Variants in ATP8A2 observed in about 807,000 individuals in gnomAD.
ATP8A2 encodes the protein ATPase phospholipid transporting 8A2, also known as phospholipid-transporting ATPase IB.
A neutral mutation model predicts 165.6 loss-of-function variants in ATP8A2; 100 were observed. The observed-to-expected ratio is 0.60, with a 90% CI of 0.51 to 0.71. The LOEUF is 0.71. Ranked by LOEUF, ATP8A2 falls within the 30% of genes least tolerant of loss-of-function variation. The pLI is 0.00. For synonymous variants in ATP8A2, 543 were observed against 548.8 expected, an observed-to-expected ratio of 0.99 and a Z score of 0.15; for missense variants, 1,227 against 1,479.5, an observed-to-expected ratio of 0.83 and a Z score of 2.80.
chr13:25,971,868 G>A (rs148281849), intron 35 of ATP8A2, among the ~76,000 whole-genome samples: 180 of 152,168 alleles, frequency 1.2e-3, no homozygotes, highest in Middle Eastern at 3.4e-3. Context: ...CATCCTCCCT[G>A]AAACCCACTC....
intron 13 of ATP8A2, among the ~76,000 whole-genome samples, chr13:25,557,555 C>T (rs774806036): frequency 3.9e-4 from 60 of 152,162 alleles, no homozygotes; most frequent in Non-Finnish European, 8.2e-4. Context: ...GTCTTCCAAA[C>T]ATAAATACAG....
intron 33 of ATP8A2, among the ~76,000 whole-genome samples, chr13:25,891,605 C>G (rs969658545): frequency 6.6e-6 from 1 of 152,050 alleles, no homozygotes; most frequent in Non-Finnish European, 1.5e-5. Flanking sequence ...ATTACAGGTG[C>G]GAGCCACTGT....
chr13:25,758,350 G>A (rs1426782367), intron 25 of ATP8A2, among the ~76,000 whole-genome samples: 1 of 152,166 alleles, frequency 6.6e-6, no homozygotes, highest in Non-Finnish European at 1.5e-5. Flanking sequence ...TACCTATTGT[G>A]TATGATGCTA....
intron 1 of ATP8A2, among the ~76,000 whole-genome samples, chr13:25,439,671 G>T (rs896817646): frequency 7.2e-5 from 11 of 152,162 alleles, no homozygotes; most frequent in African/African-American, 2.7e-4. Flanking sequence ...AGTGCTCTGA[G>T]AGGCCAAGGG....
At chr13:25,787,845 G>T (rs571261318) in intron 27 of ATP8A2, among the ~76,000 whole-genome samples, 1 of 152,368 alleles carries the variant, frequency 6.6e-6, no homozygotes, top group Admixed American at 6.5e-5. Context: ...CTATATCATA[G>T]TTTAAAGAAG....
chr13:25,598,127 C>G (rs2040285906), intron 24 of ATP8A2, among the ~76,000 whole-genome samples: 1 of 152,110 alleles, frequency 6.6e-6, no homozygotes, highest in African/African-American at 2.4e-5. Flanking sequence ...GTGAAAAATA[C>G]TACTACTTCA....
chr13:25,782,967 C>T (rs2044921915), intron 27 of ATP8A2, among the ~76,000 whole-genome samples: 2 of 152,236 alleles, frequency 1.3e-5, no homozygotes, highest in Non-Finnish European at 2.9e-5. Flanking sequence ...TCTCGAACTC[C>T]TGACCTCAGG....
intron 10 of ATP8A2, among the ~76,000 whole-genome samples, chr13:25,550,687 G>T (rs1435242796): frequency 6.6e-6 from 1 of 152,130 alleles, no homozygotes; most frequent in African/African-American, 2.4e-5. Flanking sequence ...CATCATTCAG[G>T]ATGCCACTCA....
chr13:25,939,992 C>T (rs564655281), intron 33 of ATP8A2, among the ~76,000 whole-genome samples: 1 of 152,140 alleles, frequency 6.6e-6, no homozygotes, highest in Non-Finnish European at 1.5e-5. Flanking sequence ...TGCTTGACTC[C>T]GTGCACTCAG....
chr13:25,394,993 A>T (rs76743800), intron 1 of ATP8A2, among the ~76,000 whole-genome samples: 5,313 of 152,248 alleles, frequency 0.035, 133 homozygotes, highest in Non-Finnish European at 0.055. Context: ...TTCACAATTT[A>T]TCATTCTTTG....
intron 30 of ATP8A2, among the ~76,000 whole-genome samples, chr13:25,845,823 G>A (rs1275325679): frequency 6.6e-6 from 1 of 152,210 alleles, no homozygotes. Flanking sequence ...GGGCAAGATT[G>A]CCAGTGTTCT....
intron 24 of ATP8A2, among the ~76,000 whole-genome samples, chr13:25,688,705 A>G (rs1245957964): frequency 6.6e-6 from 1 of 152,178 alleles, no homozygotes; most frequent in Non-Finnish European, 1.5e-5. Flanking sequence ...GCGCCTGCTG[A>G]TTCAGGGAGT....
At chr13:25,421,190 A>C (rs1176594262) in intron 1 of ATP8A2, among the ~76,000 whole-genome samples, 1 of 152,246 alleles carries the variant, frequency 6.6e-6, no homozygotes, top group African/African-American at 2.4e-5. Flanking sequence ...TGGTCCTAGC[A>C]TTGCAGTGGA....
In ATP8A2 at chr13:25,649,948, C is replaced by T. The variant is rs1362490805; in HGVS notation, c.2212-49225C>T. 2.0e-5 allele frequency among the ~76,000 whole-genome samples: 3 copies of T among 152,144 alleles called. No homozygotes were observed. In the East Asian group the frequency reaches 5.8e-4, roughly 29 times the overall value. On this transcript the variant is annotated intron_variant, in intron 24 of 36. Transcript: ENST00000381655. ...TGTACACTCATTGCTTTGTTTCCAC[C>T]TGACCCCAGGTGGTCTAGTTGTGCT...
At chr13:25,881,327 T>C (rs865985130) in intron 33 of ATP8A2, among the ~76,000 whole-genome samples, 41 of 152,320 alleles carry the variant, frequency 2.7e-4, no homozygotes, top group Middle Eastern at 3.4e-3. Context: ...AAATTCCTCA[T>C]TGGTCTGCCC....
At chr13:26,006,574 C>T (rs1011321215) in intron 35 of ATP8A2, among the ~76,000 whole-genome samples, 5 of 151,896 alleles carry the variant, frequency 3.3e-5, no homozygotes, top group African/African-American at 1.2e-4. Flanking sequence ...AAGTTGGCAT[C>T]CTTGTCTTCT....
chr13:25,774,810 T>C (rs369730876), intron 26 of ATP8A2, 39 bp from the exon 27 acceptor site: 1 of 1,202,676 alleles, frequency 8.3e-7, no homozygotes, highest in African/African-American at 1.5e-5. Context: ...TATTCCTCAA[T>C]GATGGGCTCT....
rs986500093 is a variant in ATP8A2, at chr13:25,953,832, G to A, written c.3184-7743G>A. Among the ~76,000 whole-genome samples the A allele has an allele frequency of 2.0e-5, 3 of 152,200 alleles. No homozygotes were observed. The highest frequency in any genetic ancestry group is 4.4e-5 in the Non-Finnish European group (3 of 68,042). ...CCATGCATTCCGTCCCAGATACTAT[G>A]CTTTTCCCATGGTCTTCGCAAACTG... is the stretch of plus-strand genomic sequence containing the variant. On this transcript the variant is annotated intron_variant, in intron 33 of 36. Coordinates refer to ENST00000381655, the MANE Select transcript of ATP8A2 (RefSeq NM_016529.6). This position sits in a 1 kb window ranked among gnomAD's most constrained non-coding sequence, Gnocchi z 6.7.
At chr13:25,789,696 G>A (rs867842932) in intron 27 of ATP8A2, among the ~76,000 whole-genome samples, 3 of 152,188 alleles carry the variant, frequency 2.0e-5, no homozygotes, top group Admixed American at 6.5e-5. Flanking sequence ...CAAACGACAA[G>A]TGACATTCTT....
Sources: gnomAD v4.1 joint callset for allele counts (sites outside exome capture counted in the v4.1 genomes callset) on GRCh38, gnomAD v4.1.1 for gene constraint, Gnocchi (gnomAD v3.1) non-coding constraint, MANE v1.5 for transcripts, NCBI Gene and HGNC (gene_info 2026-07-23, HGNC 2026-07-21) for gene names.